The following B3GALT1 variants were observed in gnomAD, a reference collection of about 807,000 sequenced individuals.
B3GALT1 encodes the protein beta-1,3-galactosyltransferase 1, also known as UDP-Gal:betaGlcNAc beta 1,3-galactosyltransferase, polypeptide 1.
Under a neutral mutation model 23.2 loss-of-function variants are expected in B3GALT1, and 10 were observed. That is an observed-to-expected ratio of 0.43 (90% CI 0.27 to 0.73). The LOEUF is 0.73. B3GALT1 is among the 30% of genes least tolerant of loss of function. The pLI, the probability that B3GALT1 is intolerant of heterozygous loss-of-function variation, is 0.21. For missense variants in B3GALT1, 299 were observed against 405.4 expected (o/e 0.74, Z 2.25); for synonymous variants, 156 against 141.5 (o/e 1.10, Z -0.73).
At chr2:167,368,897 C>G (rs191970908) in intron 1 of B3GALT1, among the ~76,000 whole-genome samples, 1 of 151,982 alleles carries the variant, frequency 6.6e-6, no homozygotes, top group African/African-American at 2.4e-5. Context: ...TGCTTCCCCC[C>G]CCCATGTGAG....
At position 167,440,507 on chromosome 2, in the gene B3GALT1, CTA is replaced by C. The variant is rs1358166447; in HGVS notation, c.-510-49668_-510-49667del. On this transcript the variant is annotated intron_variant, in intron 1 of 4. Coordinates refer to ENST00000392690, the MANE Select transcript of B3GALT1 (RefSeq NM_020981.4). Reference sequence around the variant, plus strand: ...TTCCTCATGCCTTATAGAGATTGTACTATGTTTTTTTGTAAAATTATTTCATG... The same window carrying C: ...TTCCTCATGCCTTATAGAGATTGTACTGTTTTTTTGTAAAATTATTTCATG... Among the ~76,000 whole-genome samples, 4 of 151,884 alleles carry C rather than the reference CTA, an allele frequency of 2.6e-5. No homozygotes were observed. In the East Asian group the frequency reaches 7.7e-4, roughly 29 times the overall value.
intron 2 of B3GALT1, among the ~76,000 whole-genome samples, chr2:167,496,850 G>A (rs79541572): frequency 1.3e-5 from 2 of 152,204 alleles, no homozygotes; most frequent in East Asian, 1.9e-4. Context: ...TTGACACTCT[G>A]TAACCCTGAA....
At chr2:167,835,842 C>T (rs193002782) in intron 4 of B3GALT1, among the ~76,000 whole-genome samples, 2,255 of 152,304 alleles carry the variant, frequency 0.015, 24 homozygotes, top group Middle Eastern at 0.045. Context: ...TCCAGAGGAA[C>T]GATCAGACAG....
intron 3 of B3GALT1, among the ~76,000 whole-genome samples, chr2:167,769,033 A>G (rs184109433): frequency 6.6e-6 from 1 of 152,330 alleles, no homozygotes; most frequent in East Asian, 1.9e-4. Context: ...AAGGACTAAC[A>G]TAAGAAATTT....
In B3GALT1 at chr2:167,631,774, T is replaced by C. The variant is rs776038493; in HGVS notation, c.-409-15135T>C. On this transcript the variant is annotated intron_variant, in intron 2 of 4. Coordinates refer to ENST00000392690, the MANE Select transcript of B3GALT1 (RefSeq NM_020981.4). ...CCTACCTCTCCTTTTCTTTTCTTTT[T>C]TTTTTTTTTTTTTTACTTAATCTCT... Among the ~76,000 whole-genome samples the C allele has an allele frequency of 2.5e-3, 374 of 147,986 alleles. 1 individual carries two copies. The highest frequency in any genetic ancestry group is 4.8e-3 in the African/African-American group (194 of 40,786).
At chr2:167,340,876 G>T (rs1367260009) in intron 1 of B3GALT1, among the ~76,000 whole-genome samples, 1 of 152,168 alleles carries the variant, frequency 6.6e-6, no homozygotes, top group Non-Finnish European at 1.5e-5. Flanking sequence ...CAATGAGTCA[G>T]TTTTTGGTGT....
chr2:167,619,809 TAGTC>T (rs1157765456), intron 2 of B3GALT1, among the ~76,000 whole-genome samples: 3 of 150,948 alleles, frequency 2.0e-5, no homozygotes, highest in Non-Finnish European at 4.4e-5. Flanking sequence ...TTCATTCATT[TAGTC>T]AGTCAGCTAA....
intron 1 of B3GALT1, among the ~76,000 whole-genome samples, chr2:167,478,267 A>G (rs1699514679): frequency 6.6e-6 from 1 of 152,150 alleles, no homozygotes; most frequent in Admixed American, 6.5e-5. Context: ...TATAATCCTA[A>G]ACACCAACCC....
intron 1 of B3GALT1, among the ~76,000 whole-genome samples, chr2:167,439,809 T>G (rs1221037652): frequency 6.6e-6 from 1 of 151,208 alleles, no homozygotes; most frequent in Non-Finnish European, 1.5e-5. Context: ...CCCTATTTAC[T>G]TTTCAGATTT....
intron 1 of B3GALT1, among the ~76,000 whole-genome samples, chr2:167,455,543 T>C (rs1217973643): frequency 6.6e-6 from 1 of 152,148 alleles, no homozygotes; most frequent in Non-Finnish European, 1.5e-5. Context: ...AGATGGAATT[T>C]CCCTGTGTCA....
chr2:167,512,932 T>G (rs1700047816), intron 2 of B3GALT1, among the ~76,000 whole-genome samples: 1 of 148,586 alleles, frequency 6.7e-6, no homozygotes. Context: ...GCATGATGAT[T>G]CTACCCAGCC....
chr2:167,342,212 A>G (rs2105248714), intron 1 of B3GALT1, among the ~76,000 whole-genome samples: 1 of 152,352 alleles, frequency 6.6e-6, no homozygotes, highest in Admixed American at 6.5e-5. Flanking sequence ...TAAACTGAAA[A>G]AAAAGACACA....
At position 167,351,571 on chromosome 2, in the gene B3GALT1, A is replaced by G. The variant is rs967175829; in HGVS notation, c.-511+58237A>G. 7.2e-5 allele frequency among the ~76,000 whole-genome samples: 11 copies of G among 152,328 alleles called. No individual in the cohort carries two copies. The South Asian group carries it at 8.3e-4, about 11-fold the overall frequency. ...AAAGATGTGGTGTAGCAAAGCAACT[A>G]AAGTACACAAGTGTGTGTAGAGGAG... On this transcript the variant is annotated intron_variant, in intron 1 of 4. Transcript: ENST00000392690.
intron 1 of B3GALT1, among the ~76,000 whole-genome samples, chr2:167,293,625 C>G (rs1419341222): frequency 6.6e-6 from 1 of 152,122 alleles, no homozygotes; most frequent in Non-Finnish European, 1.5e-5. Flanking sequence ...AACAGTGGGT[C>G]CCCTCTGCGT....
chr2:167,659,216 C>T (rs904588747), intron 3 of B3GALT1, among the ~76,000 whole-genome samples: 1 of 150,756 alleles, frequency 6.6e-6, no homozygotes, highest in African/African-American at 2.4e-5. Context: ...ATTAGAAAAG[C>T]ATCTTGAGCT....
chr2:167,473,990 C>T (rs1289431605), intron 1 of B3GALT1, among the ~76,000 whole-genome samples: 1 of 152,130 alleles, frequency 6.6e-6, no homozygotes, highest in Non-Finnish European at 1.5e-5. Context: ...ATGAAAGTGA[C>T]ATCCAACCAG....
At chr2:167,858,591 C>G (rs577388540) in intron 4 of B3GALT1, among the ~76,000 whole-genome samples, 4 of 152,198 alleles carry the variant, frequency 2.6e-5, no homozygotes, top group African/African-American at 7.2e-5. Context: ...CATTATCATT[C>G]TCATTTTATA....
chr2:167,695,689 A>C (rs1412282901), intron 3 of B3GALT1, among the ~76,000 whole-genome samples: 1 of 152,196 alleles, frequency 6.6e-6, no homozygotes, highest in African/African-American at 2.4e-5. Context: ...TACAGGTCAG[A>C]ATCCAAATTA....
intron 1 of B3GALT1, among the ~76,000 whole-genome samples, chr2:167,418,493 T>TA (rs1202094308): frequency 1.3e-5 from 2 of 151,886 alleles, no homozygotes; most frequent in Non-Finnish European, 2.9e-5. Context: ...ATCAGTGCCA[T>TA]AAAAAAACAA....
Sources: gnomAD v4.1 joint callset for allele counts (sites outside exome capture counted in the v4.1 genomes callset) on GRCh38, gnomAD v4.1.1 for gene constraint, MANE v1.5 for transcripts, NCBI Gene and HGNC (gene_info 2026-07-23, HGNC 2026-07-21) for gene names.